Variants in MCC observed in about 807,000 individuals in gnomAD.
MCC encodes the protein MCC regulator of Wnt signaling pathway.
MCC carries 90 observed loss-of-function variants against 116.2 expected under a neutral mutation model. The observed-to-expected ratio is 0.77, with a 90% confidence interval of 0.65 to 0.92. The LOEUF (loss-of-function observed/expected upper bound fraction) is 0.92, where lower values mean the gene tolerates loss of function less well. MCC is among the 40% of genes least tolerant of loss of function. MCC has a pLI of 0.00. For missense variants in MCC, 1,516 were observed against 1,312.2 expected, an observed-to-expected ratio of 1.16 and a Z score of -2.40; for synonymous variants, 578 against 510.5, an observed-to-expected ratio of 1.13 and a Z score of -1.78.
intron 11 of MCC, 42 bp from the exon 12 acceptor site, chr5:113,071,276 T>C (rs1442164339): frequency 6.3e-7 from 1 of 1,594,364 alleles, no homozygotes; most frequent in Non-Finnish European, 8.6e-7. Context: ...GGGTTACAGT[T>C]AATTTGCCAA....
chr5:113,309,949 T>C (rs997705407), intron 3 of MCC, among the ~76,000 whole-genome samples: 2 of 151,110 alleles, frequency 1.3e-5, no homozygotes, highest in Non-Finnish European at 3.0e-5. Context: ...TTCCTCTCTT[T>C]CTTCTGTGTT....
chr5:113,176,369 G>A (rs1761335755), intron 3 of MCC, among the ~76,000 whole-genome samples: 1 of 152,232 alleles, frequency 6.6e-6, no homozygotes, highest in South Asian at 2.1e-4. Flanking sequence ...ACGTTTAATT[G>A]AAAAGTTATC....
chr5:113,200,037 G>T (rs1009196128), intron 3 of MCC, among the ~76,000 whole-genome samples: 1 of 152,162 alleles, frequency 6.6e-6, no homozygotes, highest in African/African-American at 2.4e-5. Flanking sequence ...GGGGAGAAAG[G>T]GCATTTCATG....
chr5:113,304,637 G>A (rs557552767), intron 3 of MCC, among the ~76,000 whole-genome samples: 2 of 152,260 alleles, frequency 1.3e-5, no homozygotes, highest in South Asian at 4.1e-4. Flanking sequence ...CTGTGTCATT[G>A]TCAATATTCA....
At chr5:113,082,834 A>G in intron 11 of MCC, 26 bp downstream of exon 11, 4 of 1,610,354 alleles carry the variant, frequency 2.5e-6, no homozygotes, top group Non-Finnish European at 3.4e-6. Flanking sequence ...CTGCCCCACA[A>G]TCAAATCGAT....
At chr5:113,099,665 G>A (rs1243542819) in intron 8 of MCC, among the ~76,000 whole-genome samples, 1 of 152,236 alleles carries the variant, frequency 6.6e-6, no homozygotes, top group Non-Finnish European at 1.5e-5. Flanking sequence ...GGCTGTGCAT[G>A]ACCCAGGCAA....
At chr5:113,250,738 C>A (rs1764767795) in intron 3 of MCC, among the ~76,000 whole-genome samples, 1 of 152,148 alleles carries the variant, frequency 6.6e-6, no homozygotes, top group Admixed American at 6.5e-5. Flanking sequence ...ACGGCCAATG[C>A]TGGAAAACGC....
At chr5:113,217,887 A>G (rs975761998) in intron 3 of MCC, among the ~76,000 whole-genome samples, 2 of 152,108 alleles carry the variant, frequency 1.3e-5, no homozygotes, top group African/African-American at 2.4e-5. Context: ...GAGTGTGCAC[A>G]CCACGCCTGT....
At chr5:113,400,750 T>G (rs754059411) in intron 1 of MCC, among the ~76,000 whole-genome samples, 2 of 152,220 alleles carry the variant, frequency 1.3e-5, no homozygotes, top group Non-Finnish European at 1.5e-5. Context: ...CCTGGCACCA[T>G]ACTTGGTACA....
chr5:113,446,569 G>T (rs1487581215), intron 1 of MCC, among the ~76,000 whole-genome samples: 1 of 152,164 alleles, frequency 6.6e-6, no homozygotes, highest in African/African-American at 2.4e-5. Flanking sequence ...CAGTCAGAAT[G>T]GTTATTATCA....
chr5:113,075,212 C>T (rs1021441875), intron 11 of MCC, among the ~76,000 whole-genome samples: 3 of 152,252 alleles, frequency 2.0e-5, no homozygotes, highest in Admixed American at 6.5e-5. Flanking sequence ...CCGGGTACCA[C>T]AGCACTTCCG....
chr5:113,209,039 C>T (rs868507896), intron 3 of MCC, among the ~76,000 whole-genome samples: 1 of 152,154 alleles, frequency 6.6e-6, no homozygotes, highest in Admixed American at 6.6e-5. Context: ...TTGATACAGG[C>T]TATCTCTTAA....
intron 1 of MCC, among the ~76,000 whole-genome samples, chr5:113,404,925 G>A (rs1361856179): frequency 1.3e-5 from 2 of 152,190 alleles, no homozygotes; most frequent in Non-Finnish European, 2.9e-5. Flanking sequence ...ACATCTGGAA[G>A]GAGACCTACG....
At chr5:113,433,379 C>T in intron 1 of MCC, 1 of 485,364 alleles carries the variant, frequency 2.1e-6, no homozygotes, top group Admixed American at 2.7e-5. Context: ...ATAAATGGTG[C>T]CCAAGGTGGA....
intron 3 of MCC, among the ~76,000 whole-genome samples, chr5:113,263,257 TA>T (rs769280813): frequency 5.3e-5 from 8 of 152,254 alleles, no homozygotes; most frequent in Non-Finnish European, 8.8e-5. Context: ...AGATTGCAGC[TA>T]AATCTATGCG....
rs572611995 is a variant in MCC at position 113,322,623 on chromosome 5, T to C, written c.627+17896A>G. Among the ~76,000 whole-genome samples the C allele has an allele frequency of 2.3e-4, 35 of 152,338 alleles. 1 individual carries two copies. Among genetic ancestry groups the C allele is most frequent in the Admixed American group, 2.0e-3 (30 of 15,304 alleles). On this transcript the variant is annotated intron_variant, in intron 3 of 18. Coordinates refer to ENST00000408903, the MANE Select transcript of MCC (RefSeq NM_001085377.2). The stretch of plus-strand genomic sequence containing the variant: ...ACATCAACCAGTAATGTTGATTTTA[T>C]ACCTATTTCTACCTCCTGTTTTAAA...
At chr5:113,086,700 A>C (rs1324703473) in intron 8 of MCC, among the ~76,000 whole-genome samples, 2 of 152,244 alleles carry the variant, frequency 1.3e-5, no homozygotes, top group Non-Finnish European at 2.9e-5. Flanking sequence ...CAGTTTCAGC[A>C]TGAGAGTGCA....
intron 1 of MCC, among the ~76,000 whole-genome samples, chr5:113,411,110 C>A (rs1002350555): frequency 1.3e-5 from 2 of 152,076 alleles, no homozygotes; most frequent in Non-Finnish European, 1.5e-5. Flanking sequence ...ATCATCCTTT[C>A]GGTATATAAC....
In MCC at chr5:113,471,386, AACAG is replaced by A. The variant is rs569230073; in HGVS notation, c.170+16855_170+16858del. Among the ~76,000 whole-genome samples the A allele has an allele frequency of 1.8e-3, 269 of 152,174 alleles. 2 individuals carry two copies. The highest frequency in any genetic ancestry group is 6.1e-3 in the African/African-American group (255 of 41,518). On this transcript the variant is annotated intron_variant, in intron 1 of 18. Coordinates refer to ENST00000408903, the MANE Select transcript of MCC (RefSeq NM_001085377.2). ...TGTCCTGTTTGTTAGTTTTCCTTCT[AACAG>A]ACAGGACCCTCAACTGCAGGTCTGT...
Sources: gnomAD v4.1 joint callset for allele counts (sites outside exome capture counted in the v4.1 genomes callset) on GRCh38, gnomAD v4.1.1 for gene constraint, MANE v1.5 for transcripts, NCBI Gene and HGNC (gene_info 2026-07-23, HGNC 2026-07-21) for gene names.